LY86: variants seen among roughly 807,000 people sequenced by gnomAD.
LY86 encodes the protein lymphocyte antigen 86.
Under a neutral mutation model 17.3 loss-of-function variants are expected in LY86, and 20 were observed. The ratio of observed to expected loss-of-function variants is 1.15; its 90% CI spans 0.81 to 1.68. The LOEUF (loss-of-function observed/expected upper bound fraction) is 1.68. Ranked by LOEUF, LY86 falls within the 40% of genes most tolerant of loss-of-function variation. The probability of loss-of-function intolerance (pLI) is 0.00; values close to 1 mark genes in which losing one functional copy is unlikely to be tolerated. For synonymous variants in LY86, 74 were observed against 70.6 expected (o/e 1.05, Z -0.24); for missense variants, 200 against 191.9 (o/e 1.04, Z -0.25).
intron 1 of LY86, among the ~76,000 whole-genome samples, chr6:6,607,212 C>T (rs551267528): frequency 6.6e-6 from 1 of 152,178 alleles, no homozygotes; most frequent in Non-Finnish European, 1.5e-5. Context: ...TTTATTTATG[C>T]AAGACGAAAA....
chr6:6,613,337 C>G (rs111482358), intron 1 of LY86, among the ~76,000 whole-genome samples: 1 of 152,136 alleles, frequency 6.6e-6, no homozygotes, highest in East Asian at 1.9e-4. Flanking sequence ...TGGCGCTGCT[C>G]GTCGGGGAGG....
chr6:6,590,118 TAAAAAA>T lies in LY86; in HGVS notation c.136+1267_136+1272del, dbSNP rs34637229. Among the ~76,000 whole-genome samples the T allele has an allele frequency of 3.2e-4, 26 of 80,578 alleles. 1 individual carries two copies. The highest frequency in any genetic ancestry group is 1.2e-3 in the African/African-American group (24 of 19,756). 52.9% of individuals were successfully genotyped at this position (80,578 alleles called of 152,430 possible). A position where few individuals can be genotyped will look rare whatever the true frequency, so the allele number is the denominator to read the frequency against. On this transcript the variant is annotated intron_variant, in intron 1 of 4. Transcript: ENST00000230568. ...GGGCAAGAGGAGCGAAACTCTGTCTTAAAAAAAAAAAAAAAAAAAAAAAAGACCCTA... is the reference window on the plus strand; with the variant it reads ...GGGCAAGAGGAGCGAAACTCTGTCTTAAAAAAAAAAAAAAAAAAGACCCTA...
At chr6:6,616,209 G>A (rs1348326019) in intron 1 of LY86, among the ~76,000 whole-genome samples, 1 of 152,244 alleles carries the variant, frequency 6.6e-6, no homozygotes, top group Non-Finnish European at 1.5e-5. Context: ...TCTCAGTGAA[G>A]AATTTTATCA....
At chr6:6,597,399 A>T (rs1041566780) in intron 1 of LY86, among the ~76,000 whole-genome samples, 2 of 152,180 alleles carry the variant, frequency 1.3e-5, no homozygotes, top group African/African-American at 4.8e-5. Context: ...GATGGAGTAT[A>T]GAGAGGCAGG....
intron 1 of LY86, among the ~76,000 whole-genome samples, chr6:6,623,869 C>G (rs552904520): frequency 6.6e-6 from 1 of 152,306 alleles, no homozygotes; most frequent in South Asian, 2.1e-4. Context: ...CAGCTCTGGC[C>G]TTTAAGAAAT....
At chr6:6,625,806 A>G (rs926205347) in intron 2 of LY86, among the ~76,000 whole-genome samples, 1 of 152,226 alleles carries the variant, frequency 6.6e-6, no homozygotes, top group Non-Finnish European at 1.5e-5. Flanking sequence ...TGGGTGGAAC[A>G]TAAAAGGGAG....
intron 1 of LY86, among the ~76,000 whole-genome samples, chr6:6,614,377 C>CTT (rs57187485): frequency 0.1 from 14,843 of 145,450 alleles, 946 homozygotes; most frequent in East Asian, 0.26. Flanking sequence ...AATCACGTCT[C>CTT]TTTTTTTTTT....
chr6:6,630,408 A>G (rs899383424), intron 3 of LY86, among the ~76,000 whole-genome samples: 10 of 152,198 alleles, frequency 6.6e-5, no homozygotes, highest in Non-Finnish European at 1.2e-4. Context: ...AACATTGGCC[A>G]CTGTTTTACT....
chr6:6,617,528 A>C (rs934101460), intron 1 of LY86, among the ~76,000 whole-genome samples: 1 of 152,246 alleles, frequency 6.6e-6, no homozygotes, highest in South Asian at 2.1e-4. Flanking sequence ...TTTATTATTC[A>C]GTAGTGTGTT....
chr6:6,592,670 G>A lies in LY86; in HGVS notation c.136+3800G>A, dbSNP rs370056507. ...CATGAGAATGGAGACTTCATAAATG[G>A]GATTAATATCTTAAAAGAAGAGGCC... On this transcript the variant is annotated intron_variant, in intron 1 of 4. Coordinates refer to ENST00000230568, the MANE Select transcript of LY86 (RefSeq NM_004271.4). Among the ~76,000 whole-genome samples the A allele has an allele frequency of 2.0e-5, 3 of 152,058 alleles. No individual in the cohort carries two copies. In the East Asian group the frequency reaches 5.8e-4, roughly 29 times the overall value.
chr6:6,651,363 G>A (rs1762184042), intron 4 of LY86, among the ~76,000 whole-genome samples: 1 of 152,148 alleles, frequency 6.6e-6, no homozygotes, highest in Non-Finnish European at 1.5e-5. Context: ...TCCTATGTCA[G>A]AGTGCCATCT....
At chr6:6,617,018 A>G (rs548253671) in intron 1 of LY86, among the ~76,000 whole-genome samples, 18 of 152,372 alleles carry the variant, frequency 1.2e-4, no homozygotes, top group African/African-American at 2.9e-4. Flanking sequence ...GCGGAGAAGC[A>G]TGTGCTAACG....
intron 1 of LY86, among the ~76,000 whole-genome samples, chr6:6,591,862 T>C (rs10214456): frequency 0.33 from 50,386 of 151,916 alleles, 8,725 homozygotes; most frequent in Non-Finnish European, 0.38. Flanking sequence ...GCAGAGACAA[T>C]GACATGCGTG....
chr6:6,607,499 A>G (rs567610097), intron 1 of LY86, among the ~76,000 whole-genome samples: 1 of 152,070 alleles, frequency 6.6e-6, no homozygotes, highest in African/African-American at 2.4e-5. Context: ...CAATAAAAAC[A>G]AAAGAAAAAA....
At chr6:6,611,854 G>GC (rs1761347913) in intron 1 of LY86, among the ~76,000 whole-genome samples, 1 of 152,072 alleles carries the variant, frequency 6.6e-6, no homozygotes, top group Non-Finnish European at 1.5e-5. Context: ...TGTCAATCTA[G>GC]CATCTCTCCT....
chr6:6,651,440 G>A (rs908010442), intron 4 of LY86, among the ~76,000 whole-genome samples: 5 of 151,980 alleles, frequency 3.3e-5, no homozygotes, highest in Non-Finnish European at 5.9e-5. Context: ...CTCTCCCTCT[G>A]GAAATCTCTA....
intron 3 of LY86, among the ~76,000 whole-genome samples, chr6:6,645,739 A>G (rs1307545301): frequency 6.6e-6 from 1 of 151,830 alleles, no homozygotes; most frequent in East Asian, 2.0e-4. Flanking sequence ...CCTGATAGCC[A>G]GCAGGAGTGC....
chr6:6,649,791 C>T, intron 4 of LY86, 114 bp downstream of exon 4: 1 of 712,768 alleles, frequency 1.4e-6, no homozygotes, highest in Non-Finnish European at 2.4e-6. Context: ...AAGAATTAAA[C>T]AGTTTAAAAC....
chr6:6,603,367 C>CAT (rs1207539462), intron 1 of LY86, among the ~76,000 whole-genome samples: 2 of 27,230 alleles, frequency 7.3e-5, no homozygotes, highest in Admixed American at 5.8e-4. Context: ...CAAGACAGTT[C>CAT]ACAAAAATTA....
Sources: allele counts gnomAD v4.1 joint callset (sites outside exome capture counted in the v4.1 genomes callset), GRCh38; gene constraint gnomAD v4.1.1; transcripts MANE v1.5; gene names NCBI Gene and HGNC (gene_info 2026-07-23, HGNC 2026-07-21).